The following CHM variants were observed in gnomAD, a reference collection of about 807,000 sequenced individuals.
CHM encodes CHM Rab escort protein, also known as rab proteins geranylgeranyltransferase component A 1.
CHM carries 10 observed loss-of-function variants against 49.0 expected under a neutral mutation model. That is an observed-to-expected ratio of 0.20 (90% CI 0.13 to 0.35). CHM has a LOEUF of 0.35. Among genes scored for constraint, CHM ranks in the 10% least tolerant of loss-of-function variants. The pLI, the probability that CHM is intolerant of heterozygous loss-of-function variation, is 1.00. For synonymous variants in CHM, 184 were observed against 167.5 expected (o/e 1.10, Z -0.76); for missense variants, 455 against 478.4 (o/e 0.95, Z 0.46).
chrX:85,982,117 AAT>A (rs1199015377), intron 2 of CHM, among the ~76,000 whole-genome samples: 1 of 112,027 alleles, frequency 8.9e-6, no homozygotes, highest in African/African-American at 3.2e-5. Flanking sequence ...AGGTAACATG[AAT>A]ATATATGACT....
rs1305263970 is a variant in CHM at position 85,912,746 on chromosome X, C to G, written c.1167-1408G>C. The stretch of plus-strand genomic sequence containing the variant: ...GAAAGAAGTGGCCAGGGAGCAGAGG[C>G]TCACACCTGTAATCCCAGCACTTTG... On this transcript the variant is annotated intron_variant, in intron 8 of 14. Coordinates refer to ENST00000357749, the MANE Select transcript of CHM (RefSeq NM_000390.4). Among the ~76,000 whole-genome samples the G allele has an allele frequency of 2.7e-5, 3 of 111,454 alleles. No individual in the cohort carries two copies. The East Asian group carries it at 8.5e-4, about 32-fold the overall frequency.
chrX:85,926,714 A>AGG (rs1300786689), intron 8 of CHM, among the ~76,000 whole-genome samples: 1 of 112,056 alleles, frequency 8.9e-6, no homozygotes, highest in Non-Finnish European at 1.9e-5. Flanking sequence ...ATAGAGGGTT[A>AGG]GGGGGCTAAG....
chrX:85,958,424 T>C (rs1388848232), intron 6 of CHM, among the ~76,000 whole-genome samples: 2 of 111,765 alleles, frequency 1.8e-5, no homozygotes, highest in African/African-American at 6.5e-5. Context: ...TCTGCTCTTC[T>C]GGAAGCTGCA....
intron 2 of CHM, among the ~76,000 whole-genome samples, chrX:86,007,030 C>G (rs1603277161): frequency 1.8e-5 from 2 of 111,726 alleles, no homozygotes; most frequent in Middle Eastern, 4.7e-3. Context: ...CTACAGTAAC[C>G]AAAACAGCAT....
At chrX:86,023,060 G>C (rs1933668165) in intron 2 of CHM, among the ~76,000 whole-genome samples, 1 of 110,864 alleles carries the variant, frequency 9.0e-6, no homozygotes, top group Non-Finnish European at 1.9e-5. Flanking sequence ...AGCTTCTTCA[G>C]TTCATCATCC....
At chrX:85,885,568 C>T (rs772306919) in intron 12 of CHM, among the ~76,000 whole-genome samples, 1 of 111,193 alleles carries the variant, frequency 9.0e-6, no homozygotes, top group South Asian at 3.8e-4. Flanking sequence ...ACATCATTTA[C>T]TTTCTATAAA....
intron 2 of CHM, among the ~76,000 whole-genome samples, chrX:86,011,283 G>C (rs970093876): frequency 3.6e-5 from 4 of 111,314 alleles, no homozygotes; most frequent in African/African-American, 1.3e-4. Context: ...ATACTACCGG[G>C]ATTATCAAAT....
At position 85,966,280 on chromosome X, in the gene CHM, C is replaced by T. The variant is rs1433783501; in HGVS notation, c.315-2228G>A. Among the ~76,000 whole-genome samples, 5 of 102,517 alleles carry T rather than the reference C, an allele frequency of 4.9e-5. No homozygotes were observed. The East Asian group carries it at 1.0e-3, about 21-fold the overall frequency. The allele number at this position is 102,517 out of a possible 115,157, so 89.0% of individuals were successfully genotyped here. A position where few individuals can be genotyped will look rare whatever the true frequency, so the allele number is the denominator to read the frequency against. ...CAGAGAATCACTTGAACCCAGGAGG[C>T]GGAGGTAGCAGTGAGCCAAGATCGT... On this transcript the variant is annotated intron_variant, in intron 4 of 14. Coordinates refer to ENST00000357749, the MANE Select transcript of CHM (RefSeq NM_000390.4).
chrX:85,900,241 T>G (rs1324481866), intron 11 of CHM, among the ~76,000 whole-genome samples: 1 of 111,824 alleles, frequency 8.9e-6, no homozygotes, highest in African/African-American at 3.2e-5. Flanking sequence ...GAGGACATTA[T>G]GCTAAGTGAA....
chrX:85,929,260 C>A (rs1056707476), intron 8 of CHM, among the ~76,000 whole-genome samples: 8 of 111,647 alleles, frequency 7.2e-5, no homozygotes, highest in African/African-American at 2.3e-4. Flanking sequence ...TTCCTTCTGA[C>A]TAGAGAGCTC....
At chrX:86,037,094 C>T (rs1315644431) in intron 1 of CHM, among the ~76,000 whole-genome samples, 1 of 105,282 alleles carries the variant, frequency 9.5e-6, no homozygotes, top group Non-Finnish European at 1.9e-5. Flanking sequence ...ATAATCTCCA[C>T]TACAACTAAT....
intron 8 of CHM, among the ~76,000 whole-genome samples, chrX:85,915,035 T>A (rs5968714): frequency 0.17 from 18,564 of 108,242 alleles, 1,533 homozygotes; most frequent in Non-Finnish European, 0.25. Flanking sequence ...AATAAAAAAA[T>A]ATAAAAGCAA....
rs750715865 is a variant in CHM at position 85,948,463 on chromosome X, AAT to A, written c.1166+7688_1166+7689del. ...TTAATGGATACTAGGTAGCAACATA[AAT>A]ATGTTTCATTTTCTTTACCAAAAAA... is the stretch of plus-strand genomic sequence containing the variant. On this transcript the variant is annotated intron_variant, in intron 8 of 14. Transcript: ENST00000357749. Among the ~76,000 whole-genome samples, 73 of 111,927 alleles carry A rather than the reference AAT, an allele frequency of 6.5e-4. 1 individual carries two copies. Among genetic ancestry groups the A allele is most frequent in the Non-Finnish European group, 1.1e-3 (57 of 53,170 alleles).
chrX:85,997,493 A>T (rs1490735444), intron 2 of CHM, among the ~76,000 whole-genome samples: 1 of 111,463 alleles, frequency 9.0e-6, no homozygotes, highest in Non-Finnish European at 1.9e-5. Flanking sequence ...TGAGTGCCAC[A>T]ACATAGCCAA....
chrX:85,985,320 C>T (rs922206119), intron 2 of CHM, among the ~76,000 whole-genome samples: 2 of 112,329 alleles, frequency 1.8e-5, no homozygotes, highest in Non-Finnish European at 3.8e-5. Flanking sequence ...TATAAGTGGT[C>T]CCCGATTCCA....
intron 5 of CHM, among the ~76,000 whole-genome samples, chrX:85,960,430 C>CT (rs767228046): frequency 6.1e-4 from 60 of 98,300 alleles, no homozygotes; most frequent in African/African-American, 9.5e-4. Context: ...GCCTCTTTTT[C>CT]TTTTTTTTTT....
intron 9 of CHM, among the ~76,000 whole-genome samples, chrX:85,909,485 G>A (rs987935244): frequency 2.7e-5 from 3 of 111,199 alleles, no homozygotes; most frequent in African/African-American, 6.5e-5. Flanking sequence ...TGAGGGTGAA[G>A]AACAGAAATC....
At chrX:85,929,589 C>G (rs1354750929) in intron 8 of CHM, among the ~76,000 whole-genome samples, 1 of 112,293 alleles carries the variant, frequency 8.9e-6, no homozygotes, top group African/African-American at 3.2e-5. Context: ...GGGATCAATA[C>G]ATTCAGTATA....
intron 1 of CHM, among the ~76,000 whole-genome samples, chrX:86,033,764 C>G (rs1934130035): frequency 1.8e-5 from 2 of 111,359 alleles, no homozygotes; most frequent in African/African-American, 6.5e-5. Context: ...AGGGAACTAC[C>G]ACAACATAAA....
Sources: gnomAD v4.1 joint callset for allele counts (sites outside exome capture counted in the v4.1 genomes callset) on GRCh38, gnomAD v4.1.1 for gene constraint, MANE v1.5 for transcripts, NCBI Gene and HGNC (gene_info 2026-07-23, HGNC 2026-07-21) for gene names.